The following SCAF4 variants were observed in gnomAD, a reference collection of about 807,000 sequenced individuals.
SCAF4 encodes the protein SR-related and CTD-associated factor 4.
A neutral mutation model predicts 129.8 loss-of-function variants in SCAF4; 25 were observed. That is an observed-to-expected ratio of 0.19 (90% confidence interval 0.14 to 0.27). The LOEUF is 0.27. Among genes scored for constraint, SCAF4 ranks in the 10% least tolerant of loss-of-function variants. The pLI, the probability that SCAF4 is intolerant of heterozygous loss-of-function variation, is 1.00. For missense variants in SCAF4, 1,246 were observed against 1,457.1 expected (o/e 0.86, Z 2.36); for synonymous variants, 551 against 497.7 (o/e 1.11, Z -1.43).
At chr21:31,699,028 G>A (rs73353408) in intron 7 of SCAF4, among the ~76,000 whole-genome samples, 3,521 of 152,206 alleles carry the variant, frequency 0.023, 127 homozygotes, top group African/African-American at 0.079. Flanking sequence ...ATGAGGGGGA[G>A]TTTGAAAAAG....
intron 1 of SCAF4, among the ~76,000 whole-genome samples, chr21:31,707,913 A>G (rs2050705573): frequency 6.6e-6 from 1 of 152,254 alleles, no homozygotes; most frequent in Non-Finnish European, 1.5e-5. Flanking sequence ...AGCAGAAAAT[A>G]TAATTTTTCC....
intron 19 of SCAF4, 175 bp downstream of exon 19, chr21:31,684,874 G>C (rs1409755400): frequency 5.6e-5 from 33 of 585,950 alleles, no homozygotes; most frequent in East Asian, 1.4e-4. Flanking sequence ...TTGACTTTAA[G>C]AGGAAGATCT....
Position 31,731,779 on chromosome 21 carries a change from C to T in SCAF4, c.-87G>A. The T allele has an allele frequency of 6.9e-7, 1 of 1,442,690 alleles. No homozygotes were observed. Among genetic ancestry groups the T allele is most frequent in the South Asian group, 1.4e-5 (1 of 73,358 alleles). The allele number at this position is 1,442,690 out of a possible 1,614,324, so 89.4% of individuals were successfully genotyped here. A position where few individuals can be genotyped will look rare whatever the true frequency, so the allele number is the denominator to read the frequency against. ...GAGCGGGGCTGGGAAACCAGCCGGG[C>T]CTGGTGGCCGGGGGGAGGCGACGAG... On this transcript the variant is annotated 5_prime_UTR_variant, in exon 1 of 20. Coordinates refer to ENST00000286835, the MANE Select transcript of SCAF4 (RefSeq NM_020706.2).
At chr21:31,724,249 G>A (rs563084568) in intron 1 of SCAF4, among the ~76,000 whole-genome samples, 46 of 152,248 alleles carry the variant, frequency 3.0e-4, no homozygotes, top group African/African-American at 1.1e-3. Context: ...ACACAGAAAT[G>A]TAGACATGTC....
chr21:31,688,212 G>GT lies in SCAF4; in HGVS notation c.2043+94dup, dbSNP rs2123513236. 4 of 1,066,224 alleles carry GT rather than the reference G, an allele frequency of 3.8e-6. No homozygotes were observed. The African/African-American group carries it at 5.0e-5, about 13-fold the overall frequency. 66.0% of individuals were successfully genotyped at this position (1,066,224 alleles called of 1,614,324 possible). A position where few individuals can be genotyped will look rare whatever the true frequency, so the allele number is the denominator to read the frequency against. ...GTAATATGCACATATATGTACTCAT[G>GT]TTTTTTACTATGAATCCAGACATAT... On this transcript the variant is annotated intron_variant, in intron 16 of 19. Transcript: ENST00000286835.
chr21:31,672,156 C>A lies in SCAF4; in HGVS notation c.2687G>T (p.Gly896Val). The change falls in exon 20 of 20, where the codon GGC becomes GTC. Residue 896 changes from glycine to valine, a missense_variant. By Grantham distance (109) the Gly-to-Val change is moderately radical. This residue lies in a region of SCAF4 where 339 missense variants were observed against 325.0 expected (regional missense o/e 1.04). Transcript: ENST00000286835. ...TCCATGAGGTGGAGGCATCGCAAAG[C>A]CCCCTGGTCCTGGCGGTGGGCCTCT... is the stretch of plus-strand genomic sequence containing the variant. Reference protein sequence around the residue: ...MHRGPPPGPGGFAMPPPHGMK... With the variant: ...MHRGPPPGPGVFAMPPPHGMK... 1.2e-6 allele frequency: 2 copies of A among 1,603,718 alleles called. No homozygotes were observed. The highest frequency in any genetic ancestry group is 1.7e-6 in the Non-Finnish European group (2 of 1,172,844).
chr21:31,723,629 TGCGC>T (rs60041981), intron 1 of SCAF4, among the ~76,000 whole-genome samples: 15,729 of 148,986 alleles, frequency 0.11, 946 homozygotes, highest in Non-Finnish European at 0.13. Context: ...TGTGTGTGTG[TGCGC>T]GCGCGCGCGC....
intron 1 of SCAF4, among the ~76,000 whole-genome samples, chr21:31,725,907 T>C (rs1475342036): frequency 2.0e-5 from 3 of 152,210 alleles, no homozygotes; most frequent in African/African-American, 7.2e-5. Context: ...ATGTTATTTA[T>C]ATTAACATAT....
In SCAF4 at chr21:31,695,058, T is replaced by C. The variant is rs920101492; in HGVS notation, c.1069-78A>G. 19 of 1,134,778 alleles carry C rather than the reference T, an allele frequency of 1.7e-5. No homozygotes were observed. The African/African-American group carries it at 1.7e-4, about 10-fold the overall frequency. 70.3% of individuals were successfully genotyped at this position (1,134,778 alleles called of 1,614,324 possible). ...AACCTTTAGTTATATAAAACTAAAA[T>C]ATCCTCAATAAAGTTTGATCAAGGA... is the stretch of plus-strand genomic sequence containing the variant. On this transcript the variant is annotated intron_variant, in intron 9 of 19. Coordinates refer to ENST00000286835, the MANE Select transcript of SCAF4 (RefSeq NM_020706.2).
Position 31,672,318 on chromosome 21 carries a change from A to C in SCAF4, c.2525T>G (p.Leu842Arg). 2.5e-6 allele frequency: 4 copies of C among 1,613,832 alleles called. No individual in the cohort carries two copies. The highest frequency in any genetic ancestry group is 3.4e-6 in the Non-Finnish European group (4 of 1,180,042). ...QGVAPGPVIG[L>R]QAPSTGLLGA... is the part of the protein sequence containing the mutation. ...AAGAAGACCAGTAGATGGTGCCTGA[A>C]GTCCAATTACAGGACCAGGGGCAAC... The change falls in exon 20 of 20, where the codon CTT becomes CGT. Residue 842 changes from leucine to arginine, a missense_variant. Physicochemically the swap from Leu to Arg is moderately radical, Grantham distance 102. Around this residue, in one of 6 missense-constraint regions of SCAF4, gnomAD observed 468 missense variants for 605.5 expected, o/e 0.77. Coordinates refer to ENST00000286835, the MANE Select transcript of SCAF4 (RefSeq NM_020706.2).
intron 16 of SCAF4, among the ~76,000 whole-genome samples, chr21:31,686,736 G>A (rs1009936395): frequency 6.6e-6 from 1 of 152,126 alleles, no homozygotes; most frequent in Non-Finnish European, 1.5e-5. Context: ...ATCAGCGGCA[G>A]CATTAGATTG....
At position 31,688,310 on chromosome 21, in the gene SCAF4, T is replaced by C. The variant is rs1292977480; in HGVS notation, c.2040A>G (p.Pro680=). The change falls in exon 16 of 20, where the codon CCA becomes CCG. Residue 680 remains proline (P), a synonymous_variant. Coordinates refer to ENST00000286835, the MANE Select transcript of SCAF4 (RefSeq NM_020706.2). ...PVPAPITVPP[P]QVPPHQPGPP... ...AGTCATGTCCCAATATTCTCACCTG[T>C]GGAGGTGGCACTGTTATAGGTGCAG... The C allele has an allele frequency of 1.2e-6, 2 of 1,612,782 alleles. No homozygotes were observed. Among genetic ancestry groups the C allele is most frequent in the Non-Finnish European group, 1.7e-6 (2 of 1,179,406 alleles).
At chr21:31,716,856 C>T (rs1349345345) in intron 1 of SCAF4, among the ~76,000 whole-genome samples, 1 of 152,076 alleles carries the variant, frequency 6.6e-6, no homozygotes, top group Middle Eastern at 3.2e-3. Flanking sequence ...ACATGTTAAA[C>T]AAGTACCACT....
chr21:31,700,652 G>A (rs1763851917), intron 7 of SCAF4: 1 of 284,900 alleles, frequency 3.5e-6, no homozygotes, highest in Non-Finnish European at 6.7e-6. Flanking sequence ...AATTAATTCT[G>A]AAAAGATGTA....
At chr21:31,728,033 G>GT (rs1398839022) in intron 1 of SCAF4, among the ~76,000 whole-genome samples, 1 of 151,798 alleles carries the variant, frequency 6.6e-6, no homozygotes, top group Non-Finnish European at 1.5e-5. Flanking sequence ...CTTTCCTTCT[G>GT]TATCAGAGAT....
chr21:31,723,607 A>G (rs942718714), intron 1 of SCAF4, among the ~76,000 whole-genome samples: 1 of 127,816 alleles, frequency 7.8e-6, no homozygotes, highest in Admixed American at 8.1e-5. Flanking sequence ...TATGATTTAT[A>G]TGATGTGTGT....
intron 9 of SCAF4, among the ~76,000 whole-genome samples, chr21:31,695,634 A>C (rs2050366981): frequency 6.6e-6 from 1 of 152,244 alleles, no homozygotes; most frequent in East Asian, 1.9e-4. Context: ...TTAGATACAG[A>C]ATCAAGTTTA....
Position 31,672,046 on chromosome 21 carries a change from C to T in SCAF4, c.2797G>A (p.Gly933Ser), listed in dbSNP as rs748565794. 2 of 1,613,406 alleles carry T rather than the reference C, an allele frequency of 1.2e-6. No individual in the cohort carries two copies. Among genetic ancestry groups the T allele is most frequent in the South Asian group, 1.1e-5 (1 of 91,080 alleles). ...TGCCTTCCGTCTCTGTCTTCAGGAC[C>T]CCCTGGGCCTGGCCCTGGGCCCCCG... ...GLGGPGPGPG[G>S]PEDRDGRQQP... The change falls in exon 20 of 20, where the codon GGT becomes AGT. Residue 933 changes from glycine (G) to serine (S), a missense_variant. Coordinates refer to ENST00000286835, the MANE Select transcript of SCAF4 (RefSeq NM_020706.2).
Position 31,696,625 on chromosome 21 carries a change from G to A in SCAF4, c.903C>T (p.Thr301=), listed in dbSNP as rs138273623. 156 of 1,613,436 alleles carry A rather than the reference G, an allele frequency of 9.7e-5. 1 individual carries two copies. The African/African-American group carries it at 1.1e-3, about 12-fold the overall frequency. The change falls in exon 8 of 20, where the codon ACC becomes ACT. Residue 301 remains threonine, a synonymous_variant. Transcript: ENST00000286835. ...CAGCGGGTGCAGCAGCAGCAGGCACGGTGGCGGTGGGTGCAGGGGGTACTG... is the reference window on the plus strand; with the variant it reads ...CAGCGGGTGCAGCAGCAGCAGGCACAGTGGCGGTGGGTGCAGGGGGTACTG... ...AAAVPPAPTA[T]VPAAAAPAAA...
Sources: gnomAD v4.1 joint callset for allele counts (sites outside exome capture counted in the v4.1 genomes callset) on GRCh38, gnomAD v4.1.1 for gene constraint, gnomAD v4.1.1 regional missense constraint, MANE v1.5 for transcripts, NCBI Gene and HGNC (gene_info 2026-07-23, HGNC 2026-07-21) for gene names.